Variants in NELL1 observed in about 807,000 individuals in gnomAD.
NELL1 encodes the protein neural EGFL like 1, also known as protein kinase C-binding protein NELL1.
In NELL1, 76 loss-of-function variants were observed where a neutral mutation model predicts 107.4. The ratio of observed to expected loss-of-function variants is 0.71; its 90% confidence interval spans 0.59 to 0.86. The LOEUF (loss-of-function observed/expected upper bound fraction) is 0.86, where lower values mean the gene tolerates loss of function less well. Ranked by LOEUF, NELL1 falls within the 40% of genes least tolerant of loss-of-function variation. NELL1 has a pLI of 0.00. For missense variants in NELL1, 1,024 were observed against 1,005.5 expected, an observed-to-expected ratio of 1.02 and a Z score of -0.25; for synonymous variants, 353 against 341.2, an observed-to-expected ratio of 1.03 and a Z score of -0.38.
At chr11:20,975,642 A>G (rs1244093349) in intron 12 of NELL1, among the ~76,000 whole-genome samples, 1 of 139,410 alleles carries the variant, frequency 7.2e-6, no homozygotes, top group Non-Finnish European at 1.5e-5. Context: ...TATATGTATT[A>G]TATAATGTAT....
At chr11:20,759,148 C>T (rs1299421535) in intron 2 of NELL1, among the ~76,000 whole-genome samples, 3 of 152,208 alleles carry the variant, frequency 2.0e-5, no homozygotes, top group Non-Finnish European at 4.4e-5. Context: ...CTACTTTCCT[C>T]TTGCTTTTAT....
At chr11:21,348,056 A>G (rs551252001) in intron 14 of NELL1, among the ~76,000 whole-genome samples, 19 of 152,318 alleles carry the variant, frequency 1.2e-4, no homozygotes, top group African/African-American at 4.1e-4. Flanking sequence ...TGTGGCTAGA[A>G]GCTCCAAGAC....
At chr11:21,203,361 A>G (rs537298910) in intron 13 of NELL1, among the ~76,000 whole-genome samples, 76 of 147,786 alleles carry the variant, frequency 5.1e-4, no homozygotes, top group Admixed American at 1.6e-3. Context: ...CATTGATCCC[A>G]TTACCATTAT....
At chr11:21,523,874 T>C (rs573129278) in intron 15 of NELL1, among the ~76,000 whole-genome samples, 2 of 152,080 alleles carry the variant, frequency 1.3e-5, no homozygotes, top group African/African-American at 2.4e-5. Flanking sequence ...TCTTGAAAAC[T>C]TTTTTCATAT....
chr11:20,719,775 T>C (rs889930663), intron 2 of NELL1, among the ~76,000 whole-genome samples: 1 of 152,238 alleles, frequency 6.6e-6, no homozygotes, highest in African/African-American at 2.4e-5. Flanking sequence ...GGCTATGAAA[T>C]AAGAGTGAAA....
chr11:21,201,328 C>T (rs1165294776), intron 13 of NELL1, among the ~76,000 whole-genome samples: 1 of 152,092 alleles, frequency 6.6e-6, no homozygotes, highest in Non-Finnish European at 1.5e-5. Flanking sequence ...TGTAGTTCTC[C>T]TTGAAGAGGT....
intron 12 of NELL1, among the ~76,000 whole-genome samples, chr11:21,106,269 G>A (rs1463288976): frequency 2.0e-5 from 3 of 151,986 alleles, no homozygotes; most frequent in Non-Finnish European, 4.4e-5. Context: ...CTAGCTATGT[G>A]ACCTTAGACA....
At chr11:21,181,198 T>C (rs533360863) in intron 13 of NELL1, among the ~76,000 whole-genome samples, 2 of 152,012 alleles carry the variant, frequency 1.3e-5, no homozygotes, top group East Asian at 1.9e-4. Flanking sequence ...AGATGAGTAA[T>C]ACATTTATAT....
intron 12 of NELL1, among the ~76,000 whole-genome samples, chr11:21,043,563 A>G (rs1475115768): frequency 6.6e-6 from 1 of 152,124 alleles, no homozygotes; most frequent in Non-Finnish European, 1.5e-5. Context: ...AGAGTTTACT[A>G]GTAAAGGATT....
At chr11:21,572,738 T>C (rs1381552131) in intron 18 of NELL1, among the ~76,000 whole-genome samples, 1 of 151,916 alleles carries the variant, frequency 6.6e-6, no homozygotes, top group East Asian at 1.9e-4. Context: ...CTTCAGGTTC[T>C]GCTTTTGAAC....
intron 3 of NELL1, among the ~76,000 whole-genome samples, chr11:20,835,585 A>G (rs1848518748): frequency 6.6e-6 from 1 of 152,238 alleles, no homozygotes; most frequent in African/African-American, 2.4e-5. Context: ...AGTATGGAAC[A>G]GTGAGAATAC....
At chr11:20,690,949 T>G (rs1333881614) in intron 2 of NELL1, among the ~76,000 whole-genome samples, 1 of 152,102 alleles carries the variant, frequency 6.6e-6, no homozygotes, top group African/African-American at 2.4e-5. Context: ...TGTGTCCTCT[T>G]TTGTTTCATT....
intron 2 of NELL1, among the ~76,000 whole-genome samples, chr11:20,696,525 A>G: frequency 6.6e-6 from 1 of 152,096 alleles, no homozygotes; most frequent in Admixed American, 6.6e-5. Context: ...TTTATTTTAA[A>G]CTATGCCAAA....
intron 12 of NELL1, among the ~76,000 whole-genome samples, chr11:21,008,508 T>A (rs186770147): frequency 2.0e-5 from 3 of 152,298 alleles, no homozygotes; most frequent in Admixed American, 2.0e-4. Context: ...TGTATTATAG[T>A]AATTTTTAGA....
intron 14 of NELL1, among the ~76,000 whole-genome samples, chr11:21,280,677 C>A (rs61886271): frequency 0.048 from 7,337 of 152,196 alleles, 270 homozygotes; most frequent in Non-Finnish European, 0.076. Context: ...ACCATCCCAA[C>A]AGTCAGAACT....
chr11:21,481,787 C>G (rs1039721055), intron 15 of NELL1, among the ~76,000 whole-genome samples: 2 of 152,100 alleles, frequency 1.3e-5, no homozygotes, highest in Admixed American at 1.3e-4. Flanking sequence ...GAACTGACTC[C>G]CATTGAATGT....
intron 13 of NELL1, among the ~76,000 whole-genome samples, chr11:21,127,921 G>A (rs1457690998): frequency 6.6e-6 from 1 of 152,114 alleles, no homozygotes; most frequent in African/African-American, 2.4e-5. Context: ...TTAACATCCA[G>A]TTGCCTCTCT....
intron 14 of NELL1, among the ~76,000 whole-genome samples, chr11:21,273,241 A>T (rs1168900229): frequency 2.0e-5 from 3 of 152,222 alleles, no homozygotes; most frequent in Non-Finnish European, 4.4e-5. Context: ...AAGGCATGCG[A>T]ACTACGTGAT....
rs77041702 is a variant in NELL1 at position 21,189,545 on chromosome 11, T to C, written c.1427-39787T>C. 5.6e-3 allele frequency among the ~76,000 whole-genome samples: 849 copies of C among 151,924 alleles called. 34 individuals carry two copies. Among genetic ancestry groups the C allele is most frequent in the African/African-American group, 0.02 (823 of 41,232 alleles). On this transcript the variant is annotated intron_variant, in intron 13 of 19. Coordinates refer to ENST00000357134, the MANE Select transcript of NELL1 (RefSeq NM_006157.5). ...CTATACTTTAGACAAGGCATGTGCA[T>C]GTATAATTATTTTTATATATTATAG... is the stretch of plus-strand genomic sequence containing the variant.
Sources: gnomAD v4.1 joint callset for allele counts (sites outside exome capture counted in the v4.1 genomes callset) on GRCh38, gnomAD v4.1.1 for gene constraint, MANE v1.5 for transcripts, NCBI Gene and HGNC (gene_info 2026-07-23, HGNC 2026-07-21) for gene names.